Variants in TMEM86A observed in about 807,000 individuals in gnomAD.
TMEM86A encodes lysoplasmalogenase TMEM86A.
In TMEM86A, 13 loss-of-function variants were observed where a neutral mutation model predicts 19.8. That is an observed-to-expected ratio of 0.66 (90% confidence interval 0.43 to 1.04). The LOEUF is 1.04. TMEM86A is among the 50% of genes least tolerant of loss of function. The pLI is 0.00. For synonymous variants in TMEM86A, 128 were observed against 129.9 expected (o/e 0.99, Z 0.10); for missense variants, 248 against 306.8 (o/e 0.81, Z 1.43).
chr11:18,704,007 A>G lies in TMEM86A; in HGVS notation c.*1998A>G, dbSNP rs1169675941. ...GAACCCTGGACACTAAAGAGGGAAG[A>G]TCTTGATCCTTTCAAACTTCAGAAC... is the stretch of plus-strand genomic sequence containing the variant. On this transcript the variant is annotated 3_prime_UTR_variant, in exon 3 of 3. Transcript: ENST00000280734. The G allele has an allele frequency of 3.1e-5, 5 of 161,986 alleles. No homozygotes were observed. The highest frequency in any genetic ancestry group is 1.2e-4 in the African/African-American group (5 of 41,820). 10.0% of individuals were successfully genotyped at this position (161,986 alleles called of 1,614,324 possible). A position where few individuals can be genotyped will look rare whatever the true frequency, so the allele number is the denominator to read the frequency against.
In TMEM86A at chr11:18,698,862, G is replaced by T. The variant is rs774460646; in HGVS notation, c.-25G>T. 1.5e-6 allele frequency: 1 copy of T among 675,578 alleles called. No individual in the cohort carries two copies. The highest frequency in any genetic ancestry group is 3.1e-5 in the East Asian group (1 of 32,574). The allele number at this position is 675,578 out of a possible 1,614,324, so 41.8% of individuals were successfully genotyped here. ...TCCTGGCCGCTGCAGCCCGGAGCAG[G>T]GTGCCAGCCGCCGCCGCCGCCGCCA... On this transcript the variant is annotated 5_prime_UTR_variant, in exon 1 of 3. Coordinates refer to ENST00000280734, the MANE Select transcript of TMEM86A (RefSeq NM_153347.3).
intron 1 of TMEM86A, among the ~76,000 whole-genome samples, chr11:18,700,317 A>G (rs540518530): frequency 2.6e-5 from 4 of 152,038 alleles, no homozygotes; most frequent in African/African-American, 9.6e-5. Flanking sequence ...CTTGCTCCCA[A>G]CTCATGGGTC....
At position 18,702,065 on chromosome 11, in the gene TMEM86A, G is replaced by A; in HGVS notation, c.*56G>A. 1.3e-6 allele frequency: 2 copies of A among 1,557,262 alleles called. No homozygotes were observed. On this transcript the variant is annotated 3_prime_UTR_variant, in exon 3 of 3. Coordinates refer to ENST00000280734, the MANE Select transcript of TMEM86A (RefSeq NM_153347.3). ...CCTGGGGCTGGGGCCCAGATCCTGG[G>A]GACCTGCAGGAGCTGGATCAGGATG...
chr11:18,704,670 G>A lies in TMEM86A; in HGVS notation c.*2661G>A. Reference sequence around the variant, plus strand: ...CCTTAATCTTGGGTTGGCAGAGTGTGAAGGGGCAAGAGCTGCCATTTATCT... The same window carrying A: ...CCTTAATCTTGGGTTGGCAGAGTGTAAAGGGGCAAGAGCTGCCATTTATCT... On this transcript the variant is annotated 3_prime_UTR_variant, in exon 3 of 3. Transcript: ENST00000280734. 4.5e-6 allele frequency: 3 copies of A among 659,388 alleles called. No homozygotes were observed. Among genetic ancestry groups the A allele is most frequent in the Non-Finnish European group, 8.2e-6 (3 of 366,548 alleles). 40.8% of individuals were successfully genotyped at this position (659,388 alleles called of 1,614,324 possible).
At position 18,699,598 on chromosome 11, in the gene TMEM86A, G is replaced by A. The variant is rs1848131872; in HGVS notation, c.21+691G>A. Among the ~76,000 whole-genome samples, 1 of 152,214 alleles carries A rather than the reference G, an allele frequency of 6.6e-6. No homozygotes were observed. Among genetic ancestry groups the A allele is most frequent in the Non-Finnish European group, 1.5e-5 (1 of 68,040 alleles). Reference sequence around the variant, plus strand: ...CATGGAGCGGAGGTTAATGCTCCCAGGGGCTGGCAGGTGGTTGCTGGGCAT... The same window carrying A: ...CATGGAGCGGAGGTTAATGCTCCCAAGGGCTGGCAGGTGGTTGCTGGGCAT... On this transcript the variant is annotated intron_variant, in intron 1 of 2. Coordinates refer to ENST00000280734, the MANE Select transcript of TMEM86A (RefSeq NM_153347.3). This position sits in a 1 kb window ranked among gnomAD's most constrained non-coding sequence, Gnocchi z 4.0.
At chr11:18,700,855 TG>T (rs1201988991) in intron 1 of TMEM86A, 77 bp from the exon 2 acceptor site, 2 of 1,563,988 alleles carry the variant, frequency 1.3e-6, no homozygotes, top group Non-Finnish European at 1.7e-6. Flanking sequence ...GGAGTGTCTC[TG>T]GGGTGGATGC....
In TMEM86A at chr11:18,700,992, G is replaced by A; in HGVS notation, c.81G>A (p.Val27=). The change falls in exon 2 of 3, where the codon GTG becomes GTA. Residue 27 remains valine, a synonymous_variant. Coordinates refer to ENST00000280734, the MANE Select transcript of TMEM86A (RefSeq NM_153347.3). ...TCAAGGCCACCTGCGTGTATTTTGTGCTCTGGCTGCCCTCATCTAGCCCAT... is the reference window on the plus strand; with the variant it reads ...TCAAGGCCACCTGCGTGTATTTTGTACTCTGGCTGCCCTCATCTAGCCCAT... The part of the protein sequence containing the change: ...PFFKATCVYF[V]LWLPSSSPSW... The A allele has an allele frequency of 8.7e-6, 14 of 1,614,178 alleles. No individual in the cohort carries two copies. The highest frequency in any genetic ancestry group is 1.2e-5 in the Non-Finnish European group (14 of 1,180,022).
rs1848127393 is a variant in TMEM86A at position 18,699,067 on chromosome 11, C to G, written c.21+160C>G. ...GGGAGGCGGGCGCTGTCACCGCCCCCCGCTCCTCAGACTCGCGGCGCCCCT... is the reference window on the plus strand; with the variant it reads ...GGGAGGCGGGCGCTGTCACCGCCCCGCGCTCCTCAGACTCGCGGCGCCCCT... On this transcript the variant is annotated intron_variant, in intron 1 of 2. Transcript: ENST00000280734. The surrounding 1 kb of genome is among the most constrained non-coding windows in gnomAD (Gnocchi z 4.0). Among the ~76,000 whole-genome samples, 1 of 151,960 alleles carries G rather than the reference C, an allele frequency of 6.6e-6. No individual in the cohort carries two copies. Among genetic ancestry groups the G allele is most frequent in the Non-Finnish European group, 1.5e-5 (1 of 67,922 alleles).
chr11:18,700,409 G>A (rs1003758137), intron 1 of TMEM86A, among the ~76,000 whole-genome samples: 23 of 152,218 alleles, frequency 1.5e-4, no homozygotes, highest in East Asian at 1.9e-4. Flanking sequence ...AGTGGAGGCT[G>A]AGGAACAGAC....
At chr11:18,700,272 A>G (rs7950972) in intron 1 of TMEM86A, among the ~76,000 whole-genome samples, 63 of 151,968 alleles carry the variant, frequency 4.1e-4, no homozygotes, top group African/African-American at 1.4e-3. Context: ...CCTTCCCCCA[A>G]TCCTTGAAAT....
Position 18,701,032 on chromosome 11 carries a change from C to G in TMEM86A, c.121C>G (p.Leu41Val), listed in dbSNP as rs1848144748. 6.2e-7 allele frequency: 1 copy of G among 1,614,074 alleles called. No homozygotes were observed. The highest frequency in any genetic ancestry group is 8.5e-7 in the Non-Finnish European group (1 of 1,180,044). The stretch of plus-strand genomic sequence containing the variant: ...ATCTAGCCCATCGTGGGTCAGCACC[C>G]TCATCAAGTGCCTGCCTATCTTCTG... ...PSSSPSWVST[L>V]IKCLPIFCLW... The change falls in exon 2 of 3, where the codon CTC (leucine) becomes GTC (valine). Residue 41 changes from leucine to valine, a missense_variant. Transcript: ENST00000280734. The surrounding 1 kb of genome is among the most constrained non-coding windows in gnomAD (Gnocchi z 5.3).
Position 18,704,079 on chromosome 11 carries a change from T to C in TMEM86A, c.*2070T>C, listed in dbSNP as rs964559994. On this transcript the variant is annotated 3_prime_UTR_variant, in exon 3 of 3. Coordinates refer to ENST00000280734, the MANE Select transcript of TMEM86A (RefSeq NM_153347.3). ...TGTGAAGAAATGGGAGGGAGCAGGATGGAGAGCAGGATGAAGTCAGCAGGA... is the reference window on the plus strand; with the variant it reads ...TGTGAAGAAATGGGAGGGAGCAGGACGGAGAGCAGGATGAAGTCAGCAGGA... 1.4e-5 allele frequency: 3 copies of C among 221,510 alleles called. No individual in the cohort carries two copies. The highest frequency in any genetic ancestry group is 2.7e-5 in the Non-Finnish European group (3 of 109,168). The allele number at this position is 221,510 out of a possible 1,614,324, so 13.7% of individuals were successfully genotyped here.
chr11:18,704,027 C>G lies in TMEM86A; in HGVS notation c.*2018C>G, dbSNP rs967038443. ...GGAAGATCTTGATCCTTTCAAACTT[C>G]AGAACTCTGAACACAGACCTACCTA... On this transcript the variant is annotated 3_prime_UTR_variant, in exon 3 of 3. Coordinates refer to ENST00000280734, the MANE Select transcript of TMEM86A (RefSeq NM_153347.3). 1 of 167,264 alleles carries G rather than the reference C, an allele frequency of 6.0e-6. No individual in the cohort carries two copies. Among genetic ancestry groups the G allele is most frequent in the African/African-American group, 2.4e-5 (1 of 42,034 alleles). The allele number at this position is 167,264 out of a possible 1,614,324, so 10.4% of individuals were successfully genotyped here. A position where few individuals can be genotyped will look rare whatever the true frequency, so the allele number is the denominator to read the frequency against.
In TMEM86A at chr11:18,699,070, C is replaced by T. The variant is rs1224938937; in HGVS notation, c.21+163C>T. Among the ~76,000 whole-genome samples, 1 of 151,990 alleles carries T rather than the reference C, an allele frequency of 6.6e-6. No homozygotes were observed. Among genetic ancestry groups the T allele is most frequent in the Admixed American group, 6.5e-5 (1 of 15,272 alleles). ...AGGCGGGCGCTGTCACCGCCCCCCGCTCCTCAGACTCGCGGCGCCCCTCCT... is the reference window on the plus strand; with the variant it reads ...AGGCGGGCGCTGTCACCGCCCCCCGTTCCTCAGACTCGCGGCGCCCCTCCT... On this transcript the variant is annotated intron_variant, in intron 1 of 2. Transcript: ENST00000280734. This position sits in a 1 kb window ranked among gnomAD's most constrained non-coding sequence, Gnocchi z 4.0.
At chr11:18,700,832 G>A in intron 1 of TMEM86A, 101 bp from the exon 2 acceptor site, 1 of 1,483,204 alleles carries the variant, frequency 6.7e-7, no homozygotes, top group Non-Finnish European at 9.2e-7. Flanking sequence ...GAAGTGAGGT[G>A]GGGGTATGGA....
At position 18,703,218 on chromosome 11, in the gene TMEM86A, G is replaced by A. The variant is rs1187763681; in HGVS notation, c.*1209G>A. On this transcript the variant is annotated 3_prime_UTR_variant, in exon 3 of 3. Coordinates refer to ENST00000280734, the MANE Select transcript of TMEM86A (RefSeq NM_153347.3). Reference sequence around the variant, plus strand: ...GTCCTCACAGCCTAGTCACAGTCCTGGGCAGTGCATCTTGGTGCCAGGCTG... The same window carrying A: ...GTCCTCACAGCCTAGTCACAGTCCTAGGCAGTGCATCTTGGTGCCAGGCTG... The A allele has an allele frequency of 1.3e-5, 2 of 152,410 alleles. No homozygotes were observed. The highest frequency in any genetic ancestry group is 2.9e-5 in the Non-Finnish European group (2 of 68,132). The allele number at this position is 152,410 out of a possible 1,614,324, so 9.4% of individuals were successfully genotyped here. A position where few individuals can be genotyped will look rare whatever the true frequency, so the allele number is the denominator to read the frequency against.
chr11:18,700,337 A>G (rs1245398359), intron 1 of TMEM86A, among the ~76,000 whole-genome samples: 1 of 152,186 alleles, frequency 6.6e-6, no homozygotes, highest in Non-Finnish European at 1.5e-5. Context: ...CCATTTATCT[A>G]GCCAGCATCC....
rs1178806007 is a variant in TMEM86A, at chr11:18,702,341, C to G, written c.*332C>G. On this transcript the variant is annotated 3_prime_UTR_variant, in exon 3 of 3. Transcript: ENST00000280734. ...ACACCCCCCCACCCACTTCCCCTAC[C>G]AGGTGGAAGAGTCTGACTCCATGTG... 1 of 377,842 alleles carries G rather than the reference C, an allele frequency of 2.6e-6. No homozygotes were observed. Among genetic ancestry groups the G allele is most frequent in the Admixed American group, 3.7e-5 (1 of 26,736 alleles). 23.4% of individuals were successfully genotyped at this position (377,842 alleles called of 1,614,324 possible). A position where few individuals can be genotyped will look rare whatever the true frequency, so the allele number is the denominator to read the frequency against.
Position 18,701,021 on chromosome 11 carries a change from G to GGGTCA in TMEM86A, c.112_116dup (p.Ser39ArgfsTer44), listed in dbSNP as rs1848144596. The GGGTCA allele has an allele frequency of 6.2e-7, 1 of 1,614,060 alleles. No homozygotes were observed. Among genetic ancestry groups the GGGTCA allele is most frequent in the Admixed American group, 1.7e-5 (1 of 60,004 alleles). ...TGGCTGCCCTCATCTAGCCCATCGT[G>GGGTCA]GGTCAGCACCCTCATCAAGTGCCTG... On this transcript the variant is annotated frameshift_variant, in exon 2 of 3. Coordinates refer to ENST00000280734, the MANE Select transcript of TMEM86A (RefSeq NM_153347.3). LOFTEE classifies it high-confidence loss of function. The surrounding 1 kb of genome is among the most constrained non-coding windows in gnomAD (Gnocchi z 5.3).
Sources: allele counts gnomAD v4.1 joint callset (sites outside exome capture counted in the v4.1 genomes callset), GRCh38; gene constraint gnomAD v4.1.1; non-coding constraint Gnocchi (gnomAD v3.1); transcripts MANE v1.5; gene names NCBI Gene and HGNC (gene_info 2026-07-23, HGNC 2026-07-21).